The following L3MBTL4 variants were observed in gnomAD, a reference collection of about 807,000 sequenced individuals.
L3MBTL4 encodes the protein L3MBTL histone methyl-lysine binding protein 4, also known as lethal(3)malignant brain tumor-like protein 4.
A neutral mutation model predicts 84.5 loss-of-function variants in L3MBTL4; 70 were observed. That is an observed-to-expected ratio of 0.83 (90% CI 0.68 to 1.01). The LOEUF (loss-of-function observed/expected upper bound fraction) is 1.01. Among genes scored for constraint, L3MBTL4 ranks in the 50% least tolerant of loss-of-function variants. The probability of loss-of-function intolerance (pLI) is 0.00; values close to 1 mark genes in which losing one functional copy is unlikely to be tolerated. For synonymous variants in L3MBTL4, 274 were observed against 259.8 expected, an observed-to-expected ratio of 1.05 and a Z score of -0.52; for missense variants, 715 against 754.8, an observed-to-expected ratio of 0.95 and a Z score of 0.62.
intron 13 of L3MBTL4, among the ~76,000 whole-genome samples, chr18:6,140,393 G>A (rs531333184): frequency 7.9e-5 from 12 of 152,126 alleles, no homozygotes; most frequent in African/African-American, 1.7e-4. Flanking sequence ...TGGATGGCCC[G>A]AAACAACCTG....
intron 12 of L3MBTL4, among the ~76,000 whole-genome samples, chr18:6,192,626 G>T (rs1412246412): frequency 6.6e-6 from 1 of 152,208 alleles, no homozygotes. Flanking sequence ...AAAAAAAGAT[G>T]TGAAATCGTT....
chr18:5,957,865 C>A (rs2095236090), intron 18 of L3MBTL4, among the ~76,000 whole-genome samples: 2 of 150,430 alleles, frequency 1.3e-5, no homozygotes, highest in African/African-American at 4.9e-5. Flanking sequence ...GCTACTCAGG[C>A]AGGAGAATTG....
intron 4 of L3MBTL4, among the ~76,000 whole-genome samples, chr18:6,293,535 G>T (rs544179222): frequency 2.0e-5 from 3 of 151,666 alleles, no homozygotes; most frequent in East Asian, 3.9e-4. Context: ...TAAATAAAAA[G>T]AAATTTGTAA....
chr18:6,330,487 G>T (rs931095552), intron 1 of L3MBTL4, among the ~76,000 whole-genome samples: 2 of 152,198 alleles, frequency 1.3e-5, no homozygotes, highest in Middle Eastern at 3.2e-3. Context: ...CTTAGGATAT[G>T]TCACCCAGAC....
At chr18:6,308,298 T>C (rs2050681479) in intron 3 of L3MBTL4, among the ~76,000 whole-genome samples, 1 of 151,954 alleles carries the variant, frequency 6.6e-6, no homozygotes, top group South Asian at 2.1e-4. Context: ...ATATAACAAA[T>C]CCCAAGGAAA....
At chr18:6,367,395 C>G (rs2053980982) in intron 1 of L3MBTL4, 3 of 152,182 alleles carry the variant, frequency 2.0e-5, no homozygotes, top group Non-Finnish European at 2.9e-5. Context: ...AATGAGTGGC[C>G]TCCCGCTGAG....
At chr18:6,205,283 A>G (rs572677864) in intron 12 of L3MBTL4, among the ~76,000 whole-genome samples, 158 of 152,356 alleles carry the variant, frequency 1.0e-3, no homozygotes, top group African/African-American at 3.7e-3. Context: ...TCTAGAAGAC[A>G]GAAAAGACAA....
chr18:6,186,335 C>T (rs978924904), intron 12 of L3MBTL4, among the ~76,000 whole-genome samples: 4 of 152,034 alleles, frequency 2.6e-5, no homozygotes, highest in African/African-American at 9.7e-5. Context: ...AGCCACCATG[C>T]CTGGCCAAAA....
intron 14 of L3MBTL4, among the ~76,000 whole-genome samples, chr18:6,109,576 T>C (rs1171192265): frequency 1.3e-5 from 2 of 152,106 alleles, no homozygotes; most frequent in African/African-American, 4.8e-5. Flanking sequence ...AGAGCCTGTT[T>C]GGGGTCAAAA....
Position 6,243,289 on chromosome 18 carries a change from C to T in L3MBTL4, c.460+5G>A. The T allele has an allele frequency of 6.4e-7, 1 of 1,551,450 alleles. No individual in the cohort carries two copies. The highest frequency in any genetic ancestry group is 8.7e-7 in the Non-Finnish European group (1 of 1,150,804). On this transcript the variant is annotated splice_donor_5th_base_variant and intron_variant, in intron 7 of 18. Coordinates refer to ENST00000317931, the MANE Select transcript of L3MBTL4 (RefSeq NM_001330559.2). Reference sequence around the variant, plus strand: ...TTTCCAGTTGGTAAATGTATCCTGGCTTACCCTTAGGGATGTGCAGTTCAT... The same window carrying T: ...TTTCCAGTTGGTAAATGTATCCTGGTTTACCCTTAGGGATGTGCAGTTCAT...
intron 14 of L3MBTL4, among the ~76,000 whole-genome samples, chr18:6,105,754 A>G (rs1424460683): frequency 6.6e-6 from 1 of 150,692 alleles, no homozygotes; most frequent in African/African-American, 2.4e-5. Flanking sequence ...GAGCTAATAT[A>G]GTGCCATTGC....
Position 5,999,275 on chromosome 18 carries a change from T to A in L3MBTL4, c.1445-29713A>T, listed in dbSNP as rs190631504. Among the ~76,000 whole-genome samples, 12 of 152,374 alleles carry A rather than the reference T, an allele frequency of 7.9e-5. No individual in the cohort carries two copies. In the East Asian group the frequency reaches 1.9e-3, roughly 24 times the overall value. On this transcript the variant is annotated intron_variant, in intron 16 of 18. Transcript: ENST00000317931. ...CCCACTATTTATGGCCTAGTTCAGA[T>A]GCTATCTTCTCCTGAAAATGTCTGA...
intron 16 of L3MBTL4, among the ~76,000 whole-genome samples, chr18:6,038,012 A>G (rs2056216530): frequency 6.6e-6 from 1 of 152,198 alleles, no homozygotes; most frequent in African/African-American, 2.4e-5. Flanking sequence ...TTGCACCCAC[A>G]GACAGGAGAA....
At chr18:6,010,795 T>G (rs913206066) in intron 16 of L3MBTL4, among the ~76,000 whole-genome samples, 10 of 152,174 alleles carry the variant, frequency 6.6e-5, no homozygotes, top group African/African-American at 2.4e-4. Flanking sequence ...AAATAAAACA[T>G]AGGATCTTCC....
intron 16 of L3MBTL4, among the ~76,000 whole-genome samples, chr18:5,998,763 A>G (rs898797192): frequency 2.0e-5 from 3 of 151,988 alleles, no homozygotes; most frequent in Non-Finnish European, 4.4e-5. Flanking sequence ...CAGGATCCCT[A>G]AGGGTCAGGT....
chr18:6,305,062 G>A (rs1599561689), intron 3 of L3MBTL4, among the ~76,000 whole-genome samples: 3 of 152,132 alleles, frequency 2.0e-5, no homozygotes, highest in Admixed American at 6.5e-5. Context: ...ACATCTGTAC[G>A]TTCTTTAGGT....
chr18:6,411,273 T>A (rs77964993), intron 1 of L3MBTL4, among the ~76,000 whole-genome samples: 3 of 152,038 alleles, frequency 2.0e-5, no homozygotes, highest in East Asian at 1.9e-4. Context: ...TGCATTTTTT[T>A]ATGGACCTAA....
At chr18:6,302,996 A>AG (rs2050410727) in intron 3 of L3MBTL4, among the ~76,000 whole-genome samples, 1 of 152,066 alleles carries the variant, frequency 6.6e-6, no homozygotes, top group Non-Finnish European at 1.5e-5. Flanking sequence ...GTCTCAAAAA[A>AG]AAAATTGTAA....
At chr18:6,278,163 C>G (rs1375713925) in intron 4 of L3MBTL4, among the ~76,000 whole-genome samples, 2 of 151,880 alleles carry the variant, frequency 1.3e-5, no homozygotes. Flanking sequence ...TAGTGGTATC[C>G]CCGGCTGTTT....
Sources: allele counts gnomAD v4.1 joint callset (sites outside exome capture counted in the v4.1 genomes callset), GRCh38; gene constraint gnomAD v4.1.1; transcripts MANE v1.5; gene names NCBI Gene and HGNC (gene_info 2026-07-23, HGNC 2026-07-21).